CSMD1: variants seen among roughly 807,000 people sequenced by gnomAD.
CSMD1 encodes the protein CUB and sushi domain-containing protein 1.
In CSMD1, 213 loss-of-function variants were observed where a neutral mutation model predicts 417.5. The observed-to-expected ratio is 0.51, with a 90% CI of 0.46 to 0.57. The LOEUF (loss-of-function observed/expected upper bound fraction) is 0.57, where lower values mean the gene tolerates loss of function less well. Ranked by LOEUF, CSMD1 falls within the 20% of genes least tolerant of loss-of-function variation. The pLI is 0.00. For missense variants in CSMD1, 6,923 were observed against 4,529.7 expected, an observed-to-expected ratio of 1.53 and a Z score of -15.17; for synonymous variants, 2,862 against 1,736.8, an observed-to-expected ratio of 1.65 and a Z score of -16.11.
rs74561211 is a variant in CSMD1 at position 3,646,401 on chromosome 8, T to G, written c.1010-29604A>C. Among the ~76,000 whole-genome samples, 167 of 152,316 alleles carry G rather than the reference T, an allele frequency of 1.1e-3. 1 individual carries two copies. In the East Asian group the frequency reaches 0.012, roughly 11 times the overall value. On this transcript the variant is annotated intron_variant, in intron 7 of 69. Coordinates refer to ENST00000635120, the MANE Select transcript of CSMD1 (RefSeq NM_033225.6). The stretch of plus-strand genomic sequence containing the variant: ...CATGCATTGCTTTGTAATAAGAAAT[T>G]ACCATACAATCTACTTTAACTCAAA...
chr8:4,513,610 G>C (rs921917467), intron 2 of CSMD1, among the ~76,000 whole-genome samples: 1 of 152,176 alleles, frequency 6.6e-6, no homozygotes, highest in African/African-American at 2.4e-5. Context: ...GCATGTAAAA[G>C]ATAAATTTTG....
chr8:3,451,672 T>C (rs1243463662), intron 12 of CSMD1, among the ~76,000 whole-genome samples: 1 of 152,188 alleles, frequency 6.6e-6, no homozygotes, highest in Non-Finnish European at 1.5e-5. Flanking sequence ...TCCATTGGTC[T>C]ATATCTCTGT....
chr8:3,923,039 T>C (rs182776248), intron 5 of CSMD1, among the ~76,000 whole-genome samples: 48 of 152,270 alleles, frequency 3.2e-4, no homozygotes, highest in African/African-American at 4.3e-4. Context: ...CAACAGACAA[T>C]TGCAAAAACA....
chr8:4,013,674 G>T (rs896241780), intron 4 of CSMD1, among the ~76,000 whole-genome samples: 1 of 152,164 alleles, frequency 6.6e-6, no homozygotes, highest in Non-Finnish European at 1.5e-5. Context: ...GCAAAGATTG[G>T]AATTCTTTCT....
chr8:3,788,367 G>C (rs930257255), intron 5 of CSMD1, among the ~76,000 whole-genome samples: 2 of 152,148 alleles, frequency 1.3e-5, no homozygotes, highest in East Asian at 1.9e-4. Flanking sequence ...ATGCCTCCCT[G>C]TGCCCACAGC....
chr8:4,782,676 T>G (rs1422048699), intron 1 of CSMD1, among the ~76,000 whole-genome samples: 1 of 152,200 alleles, frequency 6.6e-6, no homozygotes, highest in Non-Finnish European at 1.5e-5. Context: ...CTGTGACTCA[T>G]ACTTCTGCAG....
intron 3 of CSMD1, among the ~76,000 whole-genome samples, chr8:4,400,984 C>G (rs903708543): frequency 4.6e-5 from 7 of 152,038 alleles, no homozygotes; most frequent in African/African-American, 1.4e-4. Context: ...AGTATTTTAA[C>G]AGGTGTTTCT....
intron 1 of CSMD1, among the ~76,000 whole-genome samples, chr8:4,847,082 C>T (rs558379229): frequency 7.4e-4 from 113 of 152,156 alleles, no homozygotes; most frequent in African/African-American, 2.6e-3. Flanking sequence ...AATAGGGCAC[C>T]ACGCTCTGCT....
At chr8:4,102,149 A>G (rs997063996) in intron 3 of CSMD1, among the ~76,000 whole-genome samples, 2 of 152,152 alleles carry the variant, frequency 1.3e-5, no homozygotes, top group African/African-American at 4.8e-5. Context: ...ACCTCAAATC[A>G]TGTAAATGAC....
rs544724254 is a variant in CSMD1 at position 3,437,871 on chromosome 8, C to G, written c.1562-28266G>C. ...CAAGCAATTCTCTTGTTTCAGCCACCCGAGTAGCTGGGATTACAGGTGTGT... is the reference window on the plus strand; with the variant it reads ...CAAGCAATTCTCTTGTTTCAGCCACGCGAGTAGCTGGGATTACAGGTGTGT... On this transcript the variant is annotated intron_variant, in intron 12 of 69. Coordinates refer to ENST00000635120, the MANE Select transcript of CSMD1 (RefSeq NM_033225.6). 5.3e-5 allele frequency among the ~76,000 whole-genome samples: 8 copies of G among 152,128 alleles called. No homozygotes were observed. In the East Asian group the frequency reaches 1.6e-3, roughly 30 times the overall value.
intron 1 of CSMD1, among the ~76,000 whole-genome samples, chr8:4,922,715 A>G (rs1371609666): frequency 6.6e-6 from 1 of 152,148 alleles, no homozygotes; most frequent in Non-Finnish European, 1.5e-5. Context: ...CCAGCCCATT[A>G]TATGCATTCT....
chr8:4,324,225 G>A (rs1185944460), intron 3 of CSMD1, among the ~76,000 whole-genome samples: 2 of 152,346 alleles, frequency 1.3e-5, no homozygotes, highest in Admixed American at 6.5e-5. Flanking sequence ...TGATGCATCT[G>A]CAGAGATTTC....
Position 4,696,798 on chromosome 8 carries a change from A to G in CSMD1, c.86-59240T>C, listed in dbSNP as rs375751940. ...GGACTGCATCAGTGAATGTATGTTT[A>G]CACAAATTTATTAAATTTCATTCCA... On this transcript the variant is annotated intron_variant, in intron 1 of 69. Coordinates refer to ENST00000635120, the MANE Select transcript of CSMD1 (RefSeq NM_033225.6). Among the ~76,000 whole-genome samples, 44 of 152,354 alleles carry G rather than the reference A, an allele frequency of 2.9e-4. 2 individuals are homozygous for G. The East Asian group carries it at 3.1e-3, about 11-fold the overall frequency.
chr8:4,278,165 T>G lies in CSMD1; in HGVS notation c.415+141788A>C, dbSNP rs183209969. ...AAAGAGAAGAATCTATTCTTGAATT[T>G]CAGACTACATTCACAATTTATATAT... is the stretch of plus-strand genomic sequence containing the variant. On this transcript the variant is annotated intron_variant, in intron 3 of 69. Coordinates refer to ENST00000635120, the MANE Select transcript of CSMD1 (RefSeq NM_033225.6). Among the ~76,000 whole-genome samples, 237 of 152,350 alleles carry G rather than the reference T, an allele frequency of 1.6e-3. 2 individuals are homozygous for G. Among genetic ancestry groups the G allele is most frequent in the Admixed American group, 6.4e-3 (98 of 15,310 alleles).
intron 3 of CSMD1, among the ~76,000 whole-genome samples, chr8:4,147,031 G>T (rs138562882): frequency 4.6e-5 from 7 of 151,966 alleles, no homozygotes; most frequent in African/African-American, 1.7e-4. Context: ...TCAGAGATCG[G>T]GGGTTTTCTG....
chr8:4,001,498 C>G (rs1815670550), intron 4 of CSMD1, among the ~76,000 whole-genome samples: 1 of 152,156 alleles, frequency 6.6e-6, no homozygotes. Flanking sequence ...CAGAACTGTG[C>G]TGGTGCCCAC....
chr8:3,580,192 C>G (rs1395149903), intron 9 of CSMD1, among the ~76,000 whole-genome samples: 7 of 152,102 alleles, frequency 4.6e-5, no homozygotes, highest in Non-Finnish European at 7.4e-5. Flanking sequence ...GGAGAGAGAA[C>G]AAAACTAAGT....
intron 5 of CSMD1, among the ~76,000 whole-genome samples, chr8:3,785,143 T>C (rs981241267): frequency 2.6e-5 from 4 of 152,188 alleles, no homozygotes; most frequent in Non-Finnish European, 5.9e-5. Flanking sequence ...GTAAGTTCTT[T>C]AACTTCTCTT....
At chr8:3,665,913 T>C (rs1300065934) in intron 7 of CSMD1, among the ~76,000 whole-genome samples, 2 of 152,124 alleles carry the variant, frequency 1.3e-5, no homozygotes, top group Admixed American at 1.3e-4. Flanking sequence ...AGTCGCACTC[T>C]GTCACCCAGG....
Sources: gnomAD v4.1 joint callset for allele counts (sites outside exome capture counted in the v4.1 genomes callset) on GRCh38, gnomAD v4.1.1 for gene constraint, MANE v1.5 for transcripts, NCBI Gene and HGNC (gene_info 2026-07-23, HGNC 2026-07-21) for gene names.